IMPG2: variants seen among roughly 807,000 people sequenced by gnomAD.
The protein encoded by IMPG2 is IPM 200.
A neutral mutation model predicts 129.2 loss-of-function variants in IMPG2; 91 were observed. The ratio of observed to expected loss-of-function variants is 0.70; its 90% CI spans 0.59 to 0.84. IMPG2 has a LOEUF of 0.84. Ranked by LOEUF, IMPG2 falls within the 40% of genes least tolerant of loss-of-function variation. The pLI, the probability that IMPG2 is intolerant of heterozygous loss-of-function variation, is 0.00. For synonymous variants in IMPG2, 510 were observed against 517.7 expected, an observed-to-expected ratio of 0.99 and a Z score of 0.20; for missense variants, 1,430 against 1,461.7, an observed-to-expected ratio of 0.98 and a Z score of 0.35.
chr3:101,294,257 G>A (rs561491603), intron 3 of IMPG2, among the ~76,000 whole-genome samples: 25 of 137,662 alleles, frequency 1.8e-4, no homozygotes, highest in African/African-American at 3.3e-4. Flanking sequence ...CCCACCCCCC[G>A]ACTAGCCCTG....
At chr3:101,267,641 G>C (rs1251073234) in intron 8 of IMPG2, 110 bp from the exon 9 acceptor site, 19 of 916,504 alleles carry the variant, frequency 2.1e-5, no homozygotes, top group Admixed American at 3.9e-5. Flanking sequence ...TCTTTGAAAT[G>C]CTTCCTTAAA....
intron 2 of IMPG2, among the ~76,000 whole-genome samples, chr3:101,310,498 C>A (rs916220511): frequency 6.7e-6 from 1 of 148,338 alleles, no homozygotes; most frequent in Admixed American, 6.7e-5. Context: ...AGATCGAGTA[C>A]GCAGTGAGGT....
chr3:101,279,893 C>A (rs1345169107), intron 4 of IMPG2, among the ~76,000 whole-genome samples: 1 of 152,178 alleles, frequency 6.6e-6, no homozygotes, highest in Non-Finnish European at 1.5e-5. Flanking sequence ...ACCACCCACT[C>A]TCCTTTCAAG....
intron 14 of IMPG2, among the ~76,000 whole-genome samples, chr3:101,241,086 G>A (rs1706401866): frequency 6.6e-6 from 1 of 152,152 alleles, no homozygotes; most frequent in African/African-American, 2.4e-5. Flanking sequence ...CCTAAGTTCT[G>A]GCTAAAAAGT....
Position 101,228,805 on chromosome 3 carries a change from C to G in IMPG2, c.3705G>C (p.Glu1235Asp), listed in dbSNP as rs767396684. ...NDPEFAAFVREQQVEEV is the reference protein window; with the variant it reads ...NDPEFAAFVRDQQVEEV ...CTGTTTCAAAAGCTTACACTTGTTG[C>G]TCTCTCACAAAAGCTGCAAACTCAG... is the stretch of plus-strand genomic sequence containing the variant. Residue 1235 changes from glutamate to aspartate, a missense_variant, in exon 18 of 19, where the codon GAG becomes GAC. Coordinates refer to ENST00000193391, the MANE Select transcript of IMPG2 (RefSeq NM_016247.4). The G allele has an allele frequency of 6.2e-7, 1 of 1,613,578 alleles. No individual in the cohort carries two copies. Among genetic ancestry groups the G allele is most frequent in the African/African-American group, 1.3e-5 (1 of 75,014 alleles).
intron 10 of IMPG2, among the ~76,000 whole-genome samples, chr3:101,257,239 C>G (rs955247568): frequency 2.0e-5 from 3 of 152,086 alleles, no homozygotes; most frequent in Non-Finnish European, 4.4e-5. Flanking sequence ...TCAATGCACA[C>G]TTCCAAGTAC....
At chr3:101,309,210 C>CCT (rs1360410826) in intron 2 of IMPG2, among the ~76,000 whole-genome samples, 1 of 152,182 alleles carries the variant, frequency 6.6e-6, no homozygotes, top group African/African-American at 2.4e-5. Flanking sequence ...ACCTTTCCAA[C>CCT]CTCTGCCTGT....
intron 3 of IMPG2, among the ~76,000 whole-genome samples, chr3:101,296,341 G>T (rs1707079881): frequency 6.6e-6 from 1 of 152,118 alleles, no homozygotes. Context: ...TTTGTCATTG[G>T]TTCTGTTTAT....
At chr3:101,233,258 T>C (rs554473714) in intron 14 of IMPG2, among the ~76,000 whole-genome samples, 11 of 152,306 alleles carry the variant, frequency 7.2e-5, no homozygotes, top group African/African-American at 2.2e-4. Context: ...CTAGGGAGCA[T>C]GTAGAAGCTT....
chr3:101,241,713 G>A (rs1234508413), intron 14 of IMPG2, among the ~76,000 whole-genome samples: 2 of 152,096 alleles, frequency 1.3e-5, no homozygotes, highest in African/African-American at 4.8e-5. Context: ...AGCTCCAGGT[G>A]TTAGGAATTG....
At chr3:101,299,123 C>T (rs942900631) in intron 3 of IMPG2, among the ~76,000 whole-genome samples, 1 of 152,032 alleles carries the variant, frequency 6.6e-6, no homozygotes, top group Non-Finnish European at 1.5e-5. Context: ...TCTAATCTTG[C>T]CTGCATGCCT....
chr3:101,294,295 A>G (rs1049974908), intron 3 of IMPG2, among the ~76,000 whole-genome samples: 3 of 139,432 alleles, frequency 2.2e-5, no homozygotes, highest in Non-Finnish European at 4.6e-5. Flanking sequence ...TCCTTTTTCC[A>G]TGTGTTCTCA....
Position 101,267,462 on chromosome 3 carries a change from T to C in IMPG2, c.908+49A>G, listed in dbSNP as rs762838049. 2.0e-6 allele frequency: 3 copies of C among 1,528,716 alleles called. No homozygotes were observed. The South Asian group carries it at 3.4e-5, about 17-fold the overall frequency. 94.7% of individuals were successfully genotyped at this position (1,528,716 alleles called of 1,614,324 possible). ...TGGACCTACGGCCTGCTATATTTAC[T>C]AAACTGTCTCCCAATTCAATGGACA... On this transcript the variant is annotated intron_variant, in intron 9 of 18. Coordinates refer to ENST00000193391, the MANE Select transcript of IMPG2 (RefSeq NM_016247.4).
Position 101,269,506 on chromosome 3 carries a change from T to A in IMPG2, c.887+9A>T. The A allele has an allele frequency of 1.4e-5, 21 of 1,494,662 alleles. No homozygotes were observed. Among genetic ancestry groups the A allele is most frequent in the Non-Finnish European group, 2.0e-5 (21 of 1,071,478 alleles). The allele number at this position is 1,494,662 out of a possible 1,614,324, so 92.6% of individuals were successfully genotyped here. A position where few individuals can be genotyped will look rare whatever the true frequency, so the allele number is the denominator to read the frequency against. On this transcript the variant is annotated intron_variant, in intron 8 of 18. Transcript: ENST00000193391. Reference sequence around the variant, plus strand: ...CTGAAAATGTGCATATTTAGATAAGTCTATTTACCTAAATTCAAGTACACG... The same window carrying A: ...CTGAAAATGTGCATATTTAGATAAGACTATTTACCTAAATTCAAGTACACG...
intron 3 of IMPG2, among the ~76,000 whole-genome samples, chr3:101,303,134 G>C (rs6766489): frequency 0.11 from 16,733 of 152,052 alleles, 974 homozygotes; most frequent in Middle Eastern, 0.14. Flanking sequence ...GTAATACTTA[G>C]AACCAGTACT....
rs574951741 is a variant in IMPG2, at chr3:101,291,668, C to A, written c.502-158G>T. On this transcript the variant is annotated intron_variant, in intron 3 of 18. Coordinates refer to ENST00000193391, the MANE Select transcript of IMPG2 (RefSeq NM_016247.4). ...GTGATTAAAACAGGTAATAATGATA[C>A]CAAGTTTGTTTTGTGACTATAGCAA... Among the ~76,000 whole-genome samples the A allele has an allele frequency of 9.2e-5, 14 of 152,212 alleles. No homozygotes were observed. In the South Asian group the frequency reaches 2.9e-3, roughly 32 times the overall value.
At chr3:101,280,903 C>T (rs1354851512) in intron 4 of IMPG2, among the ~76,000 whole-genome samples, 18 of 151,678 alleles carry the variant, frequency 1.2e-4, no homozygotes, top group Admixed American at 7.9e-4. Flanking sequence ...GGGCTGAGAT[C>T]GGGCCACTGC....
chr3:101,235,803 A>T (rs1040159438), intron 14 of IMPG2, among the ~76,000 whole-genome samples: 3 of 152,218 alleles, frequency 2.0e-5, no homozygotes, highest in Admixed American at 2.0e-4. Flanking sequence ...CTGGTTTTCT[A>T]GGAGCAGCTT....
chr3:101,232,874 T>C lies in IMPG2; in HGVS notation c.3140A>G (p.Glu1047Gly). 1 of 1,613,882 alleles carries C rather than the reference T, an allele frequency of 6.2e-7. No individual in the cohort carries two copies. The highest frequency in any genetic ancestry group is 2.2e-5 in the East Asian group (1 of 44,818). The change falls in exon 15 of 19, where the codon GAA (glutamate) becomes GGA (glycine). Residue 1047 changes from glutamate to glycine, a missense_variant. Physicochemically the swap from Glu to Gly is moderately conservative, Grantham distance 98 (BLOSUM62 -2). Coordinates refer to ENST00000193391, the MANE Select transcript of IMPG2 (RefSeq NM_016247.4). ...GTCACAGAGACTCTGACAGGGCCGT[T>C]CTTCCACACTCAGGTATCCAGGGAA... Reference protein sequence around the residue: ...RCFPGYLSVEERPCQSLCDLQ... With the variant: ...RCFPGYLSVEGRPCQSLCDLQ...
Sources: gnomAD v4.1 joint callset for allele counts (sites outside exome capture counted in the v4.1 genomes callset) on GRCh38, gnomAD v4.1.1 for gene constraint, MANE v1.5 for transcripts, NCBI Gene and HGNC (gene_info 2026-07-23, HGNC 2026-07-21) for gene names.